The following SRGAP1 variants were observed in gnomAD, a reference collection of about 807,000 sequenced individuals.
SRGAP1 encodes SLIT-ROBO Rho GTPase activating protein 1, also known as SLIT-ROBO Rho GTPase-activating protein 1.
SRGAP1 carries 43 observed loss-of-function variants against 121.9 expected under a neutral mutation model. The observed-to-expected ratio is 0.35, with a 90% CI of 0.28 to 0.46. The LOEUF (loss-of-function observed/expected upper bound fraction) is 0.46. Among genes scored for constraint, SRGAP1 ranks in the 20% least tolerant of loss-of-function variants. The probability of loss-of-function intolerance (pLI) is 1.00; values close to 1 mark genes in which losing one functional copy is unlikely to be tolerated. For missense variants in SRGAP1, 1,102 were observed against 1,350.9 expected (o/e 0.82, Z 2.89); for synonymous variants, 447 against 485.4 (o/e 0.92, Z 1.04).
At chr12:64,142,250 C>A in intron 21 of SRGAP1, 45 bp from the exon 22 acceptor site, 1 of 1,584,834 alleles carries the variant, frequency 6.3e-7, no homozygotes, top group Non-Finnish European at 8.6e-7. Context: ...CATTAGTATT[C>A]ATTATCAGTC....
At chr12:64,111,703 A>G (rs938076860) in intron 16 of SRGAP1, 59 bp from the exon 17 acceptor site, 1 of 1,437,964 alleles carries the variant, frequency 7.0e-7, no homozygotes, top group South Asian at 1.4e-5. Flanking sequence ...GTTATTAAAC[A>G]TTTATATCCT....
At chr12:63,872,041 C>A in intron 1 of SRGAP1, 1 of 781,454 alleles carries the variant, frequency 1.3e-6, no homozygotes, top group Non-Finnish European at 2.3e-6. Flanking sequence ...GGTACGTTGA[C>A]CATCTTTGCA....
intron 1 of SRGAP1, chr12:63,871,693 G>T: frequency 6.8e-6 from 5 of 736,168 alleles, no homozygotes; most frequent in Non-Finnish European, 9.1e-6. Context: ...TTTTTCTATT[G>T]CTTCAACATT....
chr12:63,952,918 T>G (rs1490010641), intron 1 of SRGAP1, among the ~76,000 whole-genome samples: 48 of 152,164 alleles, frequency 3.2e-4, no homozygotes, highest in Non-Finnish European at 1.2e-4. Flanking sequence ...AGTACTGGGA[T>G]TATAGGCATG....
intron 1 of SRGAP1, among the ~76,000 whole-genome samples, chr12:63,900,604 G>A (rs184716148): frequency 4.6e-5 from 7 of 152,172 alleles, no homozygotes; most frequent in African/African-American, 7.2e-5. Context: ...GATGAGGCCA[G>A]GAGTTCGAGA....
chr12:63,895,092 C>A (rs1323887882), intron 1 of SRGAP1, among the ~76,000 whole-genome samples: 1 of 152,204 alleles, frequency 6.6e-6, no homozygotes, highest in Non-Finnish European at 1.5e-5. Flanking sequence ...ACAGTCCCAT[C>A]AACAATGTAA....
chr12:64,129,529 A>G (rs776377246), intron 21 of SRGAP1, among the ~76,000 whole-genome samples: 2 of 152,082 alleles, frequency 1.3e-5, no homozygotes, highest in African/African-American at 2.4e-5. Context: ...GCATCCTTCA[A>G]TCCAATCAAG....
At chr12:64,056,943 A>C (rs550500880) in intron 6 of SRGAP1, among the ~76,000 whole-genome samples, 2 of 152,172 alleles carry the variant, frequency 1.3e-5, no homozygotes, top group South Asian at 4.1e-4. Context: ...TATCTTATCT[A>C]TAGCATTTAC....
In SRGAP1 at chr12:63,998,327, C is replaced by G. The variant is rs2033772966; in HGVS notation, c.426+8255C>G. Among the ~76,000 whole-genome samples, 3 of 152,144 alleles carry G rather than the reference C, an allele frequency of 2.0e-5. No individual in the cohort carries two copies. The South Asian group carries it at 6.2e-4, about 32-fold the overall frequency. On this transcript the variant is annotated intron_variant, in intron 3 of 21. Coordinates refer to ENST00000355086, the MANE Select transcript of SRGAP1 (RefSeq NM_020762.4). ...GAAGTTTCAAGGCATTTCAGCAAGA[C>G]CCAGCATTAGCAAGGCTATGTTTAA...
At chr12:63,923,337 G>A (rs906921594) in intron 1 of SRGAP1, among the ~76,000 whole-genome samples, 2 of 151,842 alleles carry the variant, frequency 1.3e-5, no homozygotes, top group African/African-American at 2.4e-5. Context: ...ATTTTATAAC[G>A]GCCGTACTTA....
At chr12:63,887,962 G>T (rs1459513511) in intron 1 of SRGAP1, 1 of 152,226 alleles carries the variant, frequency 6.6e-6, no homozygotes, top group Non-Finnish European at 1.5e-5. Flanking sequence ...CTGTCCTGAA[G>T]ATTTTGAACT....
chr12:64,043,755 T>C (rs1007450198), intron 6 of SRGAP1, 180 bp downstream of exon 6: 11 of 466,682 alleles, frequency 2.4e-5, no homozygotes, highest in Non-Finnish European at 4.1e-5. Flanking sequence ...GTAAGATGCA[T>C]GTGAAAAAGC....
chr12:64,051,878 G>T lies in SRGAP1; in HGVS notation c.801+8303G>T, dbSNP rs569026317. ...ATGGTTTTTGGAGGTCTACTGAAATGTATTTTTAGTAAATCTTACATACTT... is the reference window on the plus strand; with the variant it reads ...ATGGTTTTTGGAGGTCTACTGAAATTTATTTTTAGTAAATCTTACATACTT... On this transcript the variant is annotated intron_variant, in intron 6 of 21. Transcript: ENST00000355086. Among the ~76,000 whole-genome samples, 14 of 152,212 alleles carry T rather than the reference G, an allele frequency of 9.2e-5. No individual in the cohort carries two copies. In the East Asian group the frequency reaches 2.7e-3, roughly 29 times the overall value.
chr12:64,063,478 C>A (rs1216388867), intron 7 of SRGAP1, among the ~76,000 whole-genome samples: 1 of 152,064 alleles, frequency 6.6e-6, no homozygotes, highest in African/African-American at 2.4e-5. Flanking sequence ...TTCTGATAAT[C>A]CTGATTTAAA....
intron 15 of SRGAP1, among the ~76,000 whole-genome samples, chr12:64,108,209 G>A (rs2036376601): frequency 6.6e-6 from 1 of 152,108 alleles, no homozygotes. Flanking sequence ...AAGCACTTTA[G>A]TATTCAGACA....
chr12:63,913,778 C>A (rs968662421), intron 1 of SRGAP1, among the ~76,000 whole-genome samples: 2 of 151,838 alleles, frequency 1.3e-5, no homozygotes, highest in Non-Finnish European at 2.9e-5. Context: ...AGCATTTAGA[C>A]CTTGTATAGC....
At chr12:63,884,719 CT>C (rs869188491) in intron 1 of SRGAP1, among the ~76,000 whole-genome samples, 9,737 of 123,804 alleles carry the variant, frequency 0.079, 244 homozygotes, top group Middle Eastern at 0.12. Flanking sequence ...CACCACCATT[CT>C]TTTTTTTTTT....
chr12:63,904,122 T>C (rs912709730), intron 1 of SRGAP1, among the ~76,000 whole-genome samples: 1 of 152,280 alleles, frequency 6.6e-6, no homozygotes, highest in East Asian at 1.9e-4. Flanking sequence ...CCCTGAATTT[T>C]GCACTAATTA....
At chr12:64,110,271 A>G (rs2036411097) in intron 16 of SRGAP1, among the ~76,000 whole-genome samples, 1 of 152,188 alleles carries the variant, frequency 6.6e-6, no homozygotes, top group African/African-American at 2.4e-5. Context: ...ACACCTGAAC[A>G]AAATCCACTG....
Sources: allele counts gnomAD v4.1 joint callset (sites outside exome capture counted in the v4.1 genomes callset), GRCh38; gene constraint gnomAD v4.1.1; transcripts MANE v1.5; gene names NCBI Gene and HGNC (gene_info 2026-07-23, HGNC 2026-07-21).